VWA2: variants seen among roughly 807,000 people sequenced by gnomAD.
The protein encoded by VWA2 is von Willebrand factor A domain containing 2.
In VWA2, 73 loss-of-function variants were observed where a neutral mutation model predicts 70.4. That is an observed-to-expected ratio of 1.04 (90% CI 0.86 to 1.26). The LOEUF (loss-of-function observed/expected upper bound fraction) is 1.26. Among genes scored for constraint, VWA2 ranks in the 50% most tolerant of loss-of-function variants. The pLI is 0.00. For missense variants in VWA2, 1,011 were observed against 998.5 expected, an observed-to-expected ratio of 1.01 and a Z score of -0.17; for synonymous variants, 407 against 423.3, an observed-to-expected ratio of 0.96 and a Z score of 0.47.
Position 114,290,332 on chromosome 10 carries a change from CG to C in VWA2, c.2218del (p.Asp740MetfsTer13). On this transcript the variant is annotated frameshift_variant, in exon 13 of 14. Transcript: ENST00000392982. LOFTEE classifies it high-confidence loss of function. ...GAATGGGAGCTACCGCTGCAAGTGT[CG>C]GGATGGCTGGGAGGGCCCCCACTGC... is the stretch of plus-strand genomic sequence containing the variant. ...LQNGSYRCKC[R>X]DGWEGPHCEN... The C allele has an allele frequency of 6.4e-7, 1 of 1,550,572 alleles. No homozygotes were observed. Among genetic ancestry groups the C allele is most frequent in the African/African-American group, 1.4e-5 (1 of 73,182 alleles).
At chr10:114,267,615 T>C (rs1414792463) in intron 5 of VWA2, among the ~76,000 whole-genome samples, 1 of 146,974 alleles carries the variant, frequency 6.8e-6, no homozygotes, top group East Asian at 2.0e-4. Context: ...TTTTTTTTTG[T>C]ATTTTTAGTA....
intron 5 of VWA2, among the ~76,000 whole-genome samples, chr10:114,267,961 T>C (rs1317840627): frequency 6.6e-6 from 1 of 152,126 alleles, no homozygotes; most frequent in Admixed American, 6.5e-5. Context: ...GAGACTAGAC[T>C]CAAAAGATAA....
At chr10:114,270,683 A>T (rs1345216190) in intron 5 of VWA2, among the ~76,000 whole-genome samples, 1 of 152,194 alleles carries the variant, frequency 6.6e-6, no homozygotes, top group Non-Finnish European at 1.5e-5. Flanking sequence ...TGGTGAAGGA[A>T]ACAGTATTAG....
intron 1 of VWA2, among the ~76,000 whole-genome samples, chr10:114,248,153 A>C (rs931439776): frequency 6.6e-6 from 1 of 151,718 alleles, no homozygotes; most frequent in Non-Finnish European, 1.5e-5. Context: ...ATTACGATTT[A>C]TAAATAATTT....
intron 10 of VWA2, among the ~76,000 whole-genome samples, chr10:114,285,512 G>A (rs2038754087): frequency 6.6e-6 from 1 of 152,198 alleles, no homozygotes; most frequent in African/African-American, 2.4e-5. Flanking sequence ...AGATCTGTAT[G>A]AAAACAATCT....
intron 1 of VWA2, among the ~76,000 whole-genome samples, chr10:114,243,605 G>A (rs1029096520): frequency 6.8e-6 from 1 of 147,266 alleles, no homozygotes; most frequent in African/African-American, 2.5e-5. Flanking sequence ...TCTATTTGGG[G>A]TTGGAATTGC....
chr10:114,269,532 G>A (rs2037659853), intron 5 of VWA2, among the ~76,000 whole-genome samples: 2 of 152,184 alleles, frequency 1.3e-5, no homozygotes, highest in Admixed American at 6.5e-5. Flanking sequence ...AGTGAGCTGA[G>A]AGTATGCCAC....
At chr10:114,251,036 C>CTGTACCGCTCAGCTTCTCTGGA (rs2037185195) in intron 2 of VWA2, among the ~76,000 whole-genome samples, 1 of 152,252 alleles carries the variant, frequency 6.6e-6, no homozygotes, top group Non-Finnish European at 1.5e-5. Context: ...CCTGGGCTGG[C>CTGTACCGCTCAGCTTCTCTGGA]TGTACCGCTC....
At chr10:114,268,970 C>CCAAAGTGCTGGGCCTTT (rs1345317352) in intron 5 of VWA2, among the ~76,000 whole-genome samples, 77 of 152,024 alleles carry the variant, frequency 5.1e-4, no homozygotes, top group African/African-American at 1.8e-3. Flanking sequence ...GCTGGGCCTT[C>CCAAAGTGCTGGGCCTTT]CAAAGTGCTG....
intron 11 of VWA2, 104 bp downstream of exon 11, chr10:114,286,615 G>C: frequency 2.0e-6 from 2 of 1,007,824 alleles, no homozygotes; most frequent in South Asian, 3.5e-5. Context: ...TCTTCTAGGG[G>C]CTGAAACCAC....
intron 11 of VWA2, among the ~76,000 whole-genome samples, chr10:114,287,459 G>A (rs2039044299): frequency 6.6e-6 from 1 of 152,222 alleles, no homozygotes; most frequent in Non-Finnish European, 1.5e-5. Context: ...GGGATTACAG[G>A]CTTGAGTGAA....
At chr10:114,245,087 G>C (rs749374265) in intron 1 of VWA2, among the ~76,000 whole-genome samples, 1 of 152,230 alleles carries the variant, frequency 6.6e-6, no homozygotes, top group African/African-American at 2.4e-5. Flanking sequence ...GGAGGGAGGT[G>C]CTGCAGAAGT....
chr10:114,248,649 G>A, intron 1 of VWA2, 55 bp from the exon 2 acceptor site: 1 of 1,482,264 alleles, frequency 6.7e-7, no homozygotes, highest in Non-Finnish European at 9.4e-7. Flanking sequence ...GTGTGACTTG[G>A]GGCGTTCACA....
At chr10:114,256,372 T>C (rs2037327767) in intron 4 of VWA2, among the ~76,000 whole-genome samples, 1 of 152,238 alleles carries the variant, frequency 6.6e-6, no homozygotes, top group Non-Finnish European at 1.5e-5. Context: ...AATATGTTAC[T>C]TTCTATGTAA....
intron 4 of VWA2, among the ~76,000 whole-genome samples, chr10:114,257,322 A>T (rs1486018604): frequency 6.6e-6 from 1 of 152,210 alleles, no homozygotes; most frequent in Non-Finnish European, 1.5e-5. Flanking sequence ...AGGGTTCCTT[A>T]TCAGGTGTCA....
chr10:114,248,605 C>A, intron 1 of VWA2, 99 bp from the exon 2 acceptor site: 3 of 1,020,024 alleles, frequency 2.9e-6, no homozygotes, highest in East Asian at 4.8e-5. Context: ...ATATCTGTGA[C>A]CTGGAAAAGG....
chr10:114,260,143 A>G (rs1048715549), intron 4 of VWA2, among the ~76,000 whole-genome samples: 4 of 152,220 alleles, frequency 2.6e-5, no homozygotes, highest in Non-Finnish European at 5.9e-5. Context: ...CTGTTTCTCC[A>G]GGGGTTTTGG....
In VWA2 at chr10:114,272,904, CTG is replaced by C; in HGVS notation, c.540_541del (p.Phe181CysfsTer20). On this transcript the variant is annotated frameshift_variant, in exon 6 of 14. Transcript: ENST00000392982. LOFTEE classifies it high-confidence loss of function. Reference sequence around the variant, plus strand: ...AAGCAGCTGAAGGAAAGGGGTGTCACTGTGTTTGCTGTGGGGGTCAGGTTTCC... The same window carrying C: ...AAGCAGCTGAAGGAAAGGGGTGTCACTGTTTGCTGTGGGGGTCAGGTTTCC... 1 of 1,613,222 alleles carries C rather than the reference CTG, an allele frequency of 6.2e-7. No homozygotes were observed. Among genetic ancestry groups the C allele is most frequent in the Non-Finnish European group, 8.5e-7 (1 of 1,179,606 alleles).
rs2037744546 is a variant in VWA2 at position 114,272,934 on chromosome 10, G to C, written c.566G>C (p.Arg189Thr). Residue 189 changes from arginine (R) to threonine (T), a missense_variant and splice_region_variant, in exon 6 of 14, where the codon AGG (arginine) becomes ACG (threonine). Coordinates refer to ENST00000392982, the MANE Select transcript of VWA2 (RefSeq NM_001272046.2). ...TTTGCTGTGGGGGTCAGGTTTCCCA[G>C]GTAAGAGCCTCAGTCACCCTGGATC... The part of the protein sequence containing the change: ...TVFAVGVRFP[R>T]WEELHALASE... 1 of 1,608,244 alleles carries C rather than the reference G, an allele frequency of 6.2e-7. No individual in the cohort carries two copies. The highest frequency in any genetic ancestry group is 2.2e-5 in the East Asian group (1 of 44,752).
Sources: allele counts gnomAD v4.1 joint callset (sites outside exome capture counted in the v4.1 genomes callset), GRCh38; gene constraint gnomAD v4.1.1; transcripts MANE v1.5; gene names NCBI Gene and HGNC (gene_info 2026-07-23, HGNC 2026-07-21).